PSMC3: variants seen among roughly 807,000 people sequenced by gnomAD.
The protein encoded by PSMC3 is proteasome 26S subunit, ATPase 3, also known as 26S proteasome regulatory subunit 6A.
A neutral mutation model predicts 52.0 loss-of-function variants in PSMC3; 11 were observed. The observed-to-expected ratio is 0.21, with a 90% CI of 0.13 to 0.35. The LOEUF (loss-of-function observed/expected upper bound fraction) is 0.35. Among genes scored for constraint, PSMC3 ranks in the 10% least tolerant of loss-of-function variants. The probability of loss-of-function intolerance (pLI) is 1.00; values close to 1 mark genes in which losing one functional copy is unlikely to be tolerated. For missense variants in PSMC3, 238 were observed against 567.1 expected, an observed-to-expected ratio of 0.42 and a Z score of 5.89; for synonymous variants, 201 against 218.8, an observed-to-expected ratio of 0.92 and a Z score of 0.72.
At chr11:47,425,995 G>A (rs749774714) in intron 1 of PSMC3, 45 bp from the exon 2 acceptor site, 5 of 1,561,190 alleles carry the variant, frequency 3.2e-6, no homozygotes, top group South Asian at 1.1e-5. Flanking sequence ...TTTTACTCAG[G>A]ACAAGCATCC....
Position 47,424,307 on chromosome 11 carries a change from A to G in PSMC3, c.453+122T>C. On this transcript the variant is annotated intron_variant, in intron 5 of 11. Transcript: ENST00000298852. The surrounding 1 kb of genome is among the most constrained non-coding windows in gnomAD (Gnocchi z 4.8). ...GCAATACAAGAATCAAACAGCAAGT[A>G]GACAGAATCCCAGACTCTCGGAGCT... 6.4e-7 allele frequency: 1 copy of G among 1,557,006 alleles called. No individual in the cohort carries two copies. Among genetic ancestry groups the G allele is most frequent in the Non-Finnish European group, 8.9e-7 (1 of 1,129,266 alleles).
intron 10 of PSMC3, 90 bp from the exon 11 acceptor site, chr11:47,419,287 A>C: frequency 1.4e-6 from 2 of 1,380,414 alleles, no homozygotes; most frequent in Non-Finnish European, 2.0e-6. Flanking sequence ...TCAAGCAACA[A>C]AGTCAAGTTG....
intron 9 of PSMC3, 35 bp downstream of exon 9, chr11:47,420,596 C>A: frequency 1.3e-6 from 2 of 1,541,726 alleles, no homozygotes; most frequent in Non-Finnish European, 1.8e-6. Flanking sequence ...GACCTCTGAG[C>A]CTCATCATCT....
Position 47,422,248 on chromosome 11 carries a change from T to C in PSMC3, c.884+326A>G, listed in dbSNP as rs891115897. On this transcript the variant is annotated intron_variant, in intron 8 of 11. Coordinates refer to ENST00000298852, the MANE Select transcript of PSMC3 (RefSeq NM_002804.5). This position sits in a 1 kb window ranked among gnomAD's most constrained non-coding sequence, Gnocchi z 4.3. ...TAGTAGAGACAGGGTTTCACCATGTTAGCCAGGATGGTCTCGATCTCCTGA... is the reference window on the plus strand; with the variant it reads ...TAGTAGAGACAGGGTTTCACCATGTCAGCCAGGATGGTCTCGATCTCCTGA... Among the ~76,000 whole-genome samples the C allele has an allele frequency of 6.6e-6, 1 of 152,114 alleles. No homozygotes were observed. The highest frequency in any genetic ancestry group is 2.4e-5 in the African/African-American group (1 of 41,416).
Position 47,424,269 on chromosome 11 carries a change from G to A in PSMC3, c.454-86C>T, listed in dbSNP as rs1174616609. On this transcript the variant is annotated intron_variant, in intron 5 of 11. Coordinates refer to ENST00000298852, the MANE Select transcript of PSMC3 (RefSeq NM_002804.5). This position sits in a 1 kb window ranked among gnomAD's most constrained non-coding sequence, Gnocchi z 4.8. ...GGTGACAGGTGTCTGCAGAGGGAAA[G>A]ACACAGGACTGGGCAATACAAGAAT... The A allele has an allele frequency of 3.8e-6, 6 of 1,590,810 alleles. No individual in the cohort carries two copies. The highest frequency in any genetic ancestry group is 5.2e-6 in the Non-Finnish European group (6 of 1,159,400).
chr11:47,423,929 C>T (rs1329964793), intron 6 of PSMC3, 117 bp downstream of exon 6: 11 of 1,427,202 alleles, frequency 7.7e-6, no homozygotes, highest in Non-Finnish European at 1.1e-5. Context: ...GGCACCCCTC[C>T]CTTCCTCCCT....
Position 47,418,821 on chromosome 11 carries a change from C to T in PSMC3, c.*14G>A. On this transcript the variant is annotated 3_prime_UTR_variant, in exon 12 of 12. Coordinates refer to ENST00000298852, the MANE Select transcript of PSMC3 (RefSeq NM_002804.5). ...GCGCACTTCAGCCGTGAGACTGGGG[C>T]TGGCCTGTGTGCCCTAGGCGTAGTA... 4 of 1,604,660 alleles carry T rather than the reference C, an allele frequency of 2.5e-6. No individual in the cohort carries two copies. Among genetic ancestry groups the T allele is most frequent in the Non-Finnish European group, 3.4e-6 (4 of 1,171,470 alleles).
intron 6 of PSMC3, among the ~76,000 whole-genome samples, chr11:47,423,357 C>T (rs2096042914): frequency 6.6e-6 from 1 of 151,442 alleles, no homozygotes; most frequent in African/African-American, 2.4e-5. Context: ...GCCAAGATCA[C>T]GCCACTGCAC....
In PSMC3 at chr11:47,424,698, T is replaced by C; in HGVS notation, c.299A>G (p.Asp100Gly). Reference sequence around the variant, plus strand: ...ACCATCCTCCTCTTGGTCATTAGGATCAACATCCAGGAGCTGGGAAGGAAA... The same window carrying C: ...ACCATCCTCCTCTTGGTCATTAGGACCAACATCCAGGAGCTGGGAAGGAAA... ...VSNVIELLDV[D>G]PNDQEEDGAN... is the part of the protein sequence containing the mutation. Residue 100 changes from aspartate (D) to glycine (G), a missense_variant, in exon 4 of 12, where the codon GAT becomes GGT. Asp to Gly is a moderately conservative substitution (Grantham distance 94, BLOSUM62 -1). Around this residue, in one of 6 missense-constraint regions of PSMC3, gnomAD observed 21 missense variants for 95.6 expected, o/e 0.22. Transcript: ENST00000298852. The surrounding 1 kb of genome is among the most constrained non-coding windows in gnomAD (Gnocchi z 4.8). 6.2e-7 allele frequency: 1 copy of C among 1,613,178 alleles called. No homozygotes were observed. The highest frequency in any genetic ancestry group is 8.5e-7 in the Non-Finnish European group (1 of 1,179,170).
chr11:47,420,120 T>G, intron 10 of PSMC3, 144 bp downstream of exon 10: 1 of 956,918 alleles, frequency 1.0e-6, no homozygotes, highest in Non-Finnish European at 1.6e-6. Flanking sequence ...AAACGGAGGC[T>G]GGCGTGTGGA....
rs913290537 is a variant in PSMC3, at chr11:47,422,769, G to A, written c.736-47C>T. On this transcript the variant is annotated intron_variant, in intron 7 of 11. Transcript: ENST00000298852. This position sits in a 1 kb window ranked among gnomAD's most constrained non-coding sequence, Gnocchi z 4.3. Reference sequence around the variant, plus strand: ...GTCAGGTCAAAGGCAGACCCTTTGAGCCCATCTGGTAGAGTTTCTGCTCCT... The same window carrying A: ...GTCAGGTCAAAGGCAGACCCTTTGAACCCATCTGGTAGAGTTTCTGCTCCT... The A allele has an allele frequency of 1.2e-6, 2 of 1,610,752 alleles. No homozygotes were observed. Among genetic ancestry groups the A allele is most frequent in the African/African-American group, 1.3e-5 (1 of 74,942 alleles).
In PSMC3 at chr11:47,425,961, T is replaced by G. The variant is rs1432006823; in HGVS notation, c.76-11A>C. 25 of 1,603,556 alleles carry G rather than the reference T, an allele frequency of 1.6e-5. No individual in the cohort carries two copies. Among genetic ancestry groups the G allele is most frequent in the Admixed American group, 1.3e-4 (8 of 59,934 alleles). On this transcript the variant is annotated splice_polypyrimidine_tract_variant and intron_variant, in intron 1 of 11. Coordinates refer to ENST00000298852, the MANE Select transcript of PSMC3 (RefSeq NM_002804.5). Reference sequence around the variant, plus strand: ...CCCAATTCCATCTTGCTGTAAAAAATTATTTGTTTATTTATATATTTACTT... The same window carrying G: ...CCCAATTCCATCTTGCTGTAAAAAAGTATTTGTTTATTTATATATTTACTT...
At chr11:47,419,633 G>A (rs1406171325) in intron 10 of PSMC3, among the ~76,000 whole-genome samples, 3 of 152,158 alleles carry the variant, frequency 2.0e-5, no homozygotes, top group Admixed American at 1.3e-4. Context: ...GCCAAGGTGG[G>A]CGGATCACAA....
chr11:47,422,833 A>T lies in PSMC3; in HGVS notation c.732T>A (p.Thr244=), dbSNP rs200101788. 6.2e-7 allele frequency: 1 copy of T among 1,609,786 alleles called. No homozygotes were observed. Among genetic ancestry groups the T allele is most frequent in the African/African-American group, 1.3e-5 (1 of 74,832 alleles). ...GCATCCCTCCCAAAGTACTCACCTT[A>T]GTCTGTGCGGCACAGGCCCGGGCCA... ...TLLARACAAQ[T]KATFLKLAGP... is the part of the protein sequence containing the mutation. The change falls in exon 7 of 12, where the codon ACT becomes ACA. Residue 244 remains threonine, a synonymous_variant. Coordinates refer to ENST00000298852, the MANE Select transcript of PSMC3 (RefSeq NM_002804.5). This position sits in a 1 kb window ranked among gnomAD's most constrained non-coding sequence, Gnocchi z 4.3.
intron 10 of PSMC3, among the ~76,000 whole-genome samples, chr11:47,419,942 A>C (rs567951515): frequency 1.3e-5 from 2 of 151,732 alleles, no homozygotes; most frequent in Admixed American, 1.3e-4. Flanking sequence ...ACTCAAGTCC[A>C]TCTGGTCCCG....
intron 8 of PSMC3, among the ~76,000 whole-genome samples, chr11:47,421,409 G>A (rs7950077): frequency 0.95 from 145,213 of 152,128 alleles, 69,667 homozygotes; most frequent in East Asian, 1. Context: ...GGCATCCCCC[G>A]GGAAGTATCC....
chr11:47,421,614 A>G (rs1190760601), intron 8 of PSMC3, among the ~76,000 whole-genome samples: 1 of 151,296 alleles, frequency 6.6e-6, no homozygotes, highest in Non-Finnish European at 1.5e-5. Context: ...TAATTCCAGC[A>G]TTTATCCCAG....
intron 10 of PSMC3, among the ~76,000 whole-genome samples, chr11:47,419,726 G>A (rs1024053450): frequency 3.3e-5 from 5 of 152,096 alleles, no homozygotes; most frequent in South Asian, 2.1e-4. Flanking sequence ...GGGCGTGGTG[G>A]CGGGCGCCTG....
intron 8 of PSMC3, among the ~76,000 whole-genome samples, chr11:47,421,321 C>T (rs557769511): frequency 7.1e-4 from 105 of 147,084 alleles, no homozygotes; most frequent in African/African-American, 2.6e-3. Flanking sequence ...TGAATGTACA[C>T]TTGCAAACTG....
Sources: allele counts gnomAD v4.1 joint callset (sites outside exome capture counted in the v4.1 genomes callset), GRCh38; gene constraint gnomAD v4.1.1; regional missense constraint gnomAD v4.1.1; non-coding constraint Gnocchi (gnomAD v3.1); transcripts MANE v1.5; gene names NCBI Gene and HGNC (gene_info 2026-07-23, HGNC 2026-07-21).